The following IFTAP variants were observed in gnomAD, a reference collection of about 807,000 sequenced individuals.
IFTAP encodes the protein intraflagellar transport-associated protein.
IFTAP carries 19 observed loss-of-function variants against 19.4 expected under a neutral mutation model. The ratio of observed to expected loss-of-function variants is 0.98; its 90% confidence interval spans 0.68 to 1.44. The LOEUF (loss-of-function observed/expected upper bound fraction) is 1.44, where lower values mean the gene tolerates loss of function less well. Among genes scored for constraint, IFTAP ranks in the 40% most tolerant of loss-of-function variants. The probability of loss-of-function intolerance (pLI) is 0.00; values close to 1 mark genes in which losing one functional copy is unlikely to be tolerated. For synonymous variants in IFTAP, 85 were observed against 83.5 expected, an observed-to-expected ratio of 1.02 and a Z score of -0.10; for missense variants, 240 against 253.6, an observed-to-expected ratio of 0.95 and a Z score of 0.36.
At chr11:36,603,541 C>G (rs1455644293) in intron 1 of IFTAP, among the ~76,000 whole-genome samples, 1 of 152,144 alleles carries the variant, frequency 6.6e-6, no homozygotes, top group Non-Finnish European at 1.5e-5. Flanking sequence ...TTGGTCCAGG[C>G]TTCTGCAATG....
At chr11:36,629,227 A>G (rs1852636978) in intron 2 of IFTAP, among the ~76,000 whole-genome samples, 1 of 151,292 alleles carries the variant, frequency 6.6e-6, no homozygotes. Context: ...TAATGCAAAA[A>G]TCACACCCTG....
intron 1 of IFTAP, chr11:36,598,191 T>C (rs1851357147): frequency 6.6e-6 from 1 of 152,076 alleles, no homozygotes; most frequent in Admixed American, 6.6e-5. Context: ...ATTCACTGAC[T>C]GCCCACTATG....
At chr11:36,636,651 C>T (rs535345229) in intron 4 of IFTAP, among the ~76,000 whole-genome samples, 2 of 152,214 alleles carry the variant, frequency 1.3e-5, no homozygotes, top group South Asian at 4.1e-4. Context: ...TCTATGCAGG[C>T]TTCAGTGAAC....
At chr11:36,622,566 T>C (rs1852340831) in intron 2 of IFTAP, among the ~76,000 whole-genome samples, 1 of 152,232 alleles carries the variant, frequency 6.6e-6, no homozygotes, top group African/African-American at 2.4e-5. Flanking sequence ...TATACTAATT[T>C]CTTAAGACCA....
chr11:36,638,350 A>G (rs1289571650), intron 4 of IFTAP, among the ~76,000 whole-genome samples: 1 of 152,234 alleles, frequency 6.6e-6, no homozygotes, highest in Non-Finnish European at 1.5e-5. Flanking sequence ...CAGAAATCAG[A>G]TAACAAGCCT....
intron 2 of IFTAP, 22 bp downstream of exon 2, chr11:36,610,261 T>A: frequency 6.3e-7 from 1 of 1,575,958 alleles, no homozygotes; most frequent in Non-Finnish European, 8.7e-7. Flanking sequence ...AAGTAAACTT[T>A]CTGCAGCAAT....
At chr11:36,650,371 G>C (rs1853663251) in intron 5 of IFTAP, among the ~76,000 whole-genome samples, 1 of 150,796 alleles carries the variant, frequency 6.6e-6, no homozygotes, top group South Asian at 2.1e-4. Flanking sequence ...ACCTAATTTT[G>C]TTTTTTTTAA....
chr11:36,639,024 C>A (rs1260977121), intron 4 of IFTAP, among the ~76,000 whole-genome samples: 1 of 152,170 alleles, frequency 6.6e-6, no homozygotes, highest in African/African-American at 2.4e-5. Context: ...ATCAAGTTAA[C>A]CTATTCTTCC....
intron 5 of IFTAP, among the ~76,000 whole-genome samples, chr11:36,657,566 C>CT (rs2133555192): frequency 6.6e-6 from 1 of 152,320 alleles, no homozygotes; most frequent in South Asian, 2.1e-4. Context: ...TTAGTGGAAA[C>CT]TTCAAGGTTG....
At chr11:36,622,244 C>G (rs903665331) in intron 2 of IFTAP, among the ~76,000 whole-genome samples, 5 of 152,020 alleles carry the variant, frequency 3.3e-5, no homozygotes, top group African/African-American at 7.2e-5. Flanking sequence ...AGATGTTATT[C>G]TACTTTAGAA....
At chr11:36,643,416 A>G (rs1853321002) in intron 4 of IFTAP, among the ~76,000 whole-genome samples, 1 of 152,200 alleles carries the variant, frequency 6.6e-6, no homozygotes, top group South Asian at 2.1e-4. Context: ...GAAAATGGCC[A>G]TACTGCTCAA....
intron 1 of IFTAP, chr11:36,597,876 C>G (rs543644653): frequency 6.6e-6 from 1 of 152,104 alleles, no homozygotes; most frequent in South Asian, 2.1e-4. Context: ...GATTTATGTA[C>G]GAAGATTAAT....
chr11:36,596,289 TGTA>T (rs1404726437), intron 1 of IFTAP, among the ~76,000 whole-genome samples: 7 of 151,058 alleles, frequency 4.6e-5, no homozygotes, highest in Non-Finnish European at 8.8e-5. Flanking sequence ...AATAATCTCT[TGTA>T]GTTATTATTT....
intron 2 of IFTAP, among the ~76,000 whole-genome samples, chr11:36,632,745 G>T (rs2133452475): frequency 6.6e-6 from 1 of 151,352 alleles, no homozygotes; most frequent in South Asian, 2.1e-4. Context: ...CCTGAAAAGA[G>T]ATACTGCTGG....
intron 4 of IFTAP, among the ~76,000 whole-genome samples, chr11:36,636,836 C>G (rs78100671): frequency 0.012 from 1,818 of 151,664 alleles, 21 homozygotes; most frequent in East Asian, 0.031. Flanking sequence ...TAGAGGAAAA[C>G]TTTTTTCTTT....
chr11:36,650,784 G>C (rs1289063535), intron 5 of IFTAP, among the ~76,000 whole-genome samples: 12 of 151,222 alleles, frequency 7.9e-5, no homozygotes, highest in East Asian at 7.8e-4. Flanking sequence ...CAATTCCCAC[G>C]TATGAGTGAG....
intron 5 of IFTAP, among the ~76,000 whole-genome samples, chr11:36,652,520 T>C (rs1322326349): frequency 6.6e-6 from 1 of 152,170 alleles, no homozygotes; most frequent in Non-Finnish European, 1.5e-5. Flanking sequence ...TGACTTCCTC[T>C]TTTCCTAATT....
chr11:36,621,946 G>A (rs1418123063), intron 2 of IFTAP, among the ~76,000 whole-genome samples: 1 of 152,024 alleles, frequency 6.6e-6, no homozygotes, highest in Non-Finnish European at 1.5e-5. Context: ...ATCATATCCA[G>A]AATATTGCCA....
intron 2 of IFTAP, among the ~76,000 whole-genome samples, chr11:36,622,382 C>A (rs891226510): frequency 1.3e-5 from 2 of 152,022 alleles, no homozygotes; most frequent in African/African-American, 4.8e-5. Context: ...TTGTGGTAGG[C>A]AATAGGACAT....
Sources: allele counts gnomAD v4.1 joint callset (sites outside exome capture counted in the v4.1 genomes callset), GRCh38; gene constraint gnomAD v4.1.1; transcripts MANE v1.5; gene names NCBI Gene and HGNC (gene_info 2026-07-23, HGNC 2026-07-21).